Variants in LRP1B observed in about 807,000 individuals in gnomAD.
The protein encoded by LRP1B is low-density lipoprotein receptor-related protein 1B.
In LRP1B, 217 loss-of-function variants were observed where a neutral mutation model predicts 556.6. The ratio of observed to expected loss-of-function variants is 0.39; its 90% confidence interval spans 0.35 to 0.44. The LOEUF is 0.44. Among genes scored for constraint, LRP1B ranks in the 20% least tolerant of loss-of-function variants. The pLI, the probability that LRP1B is intolerant of heterozygous loss-of-function variation, is 1.00. For missense variants in LRP1B, 5,053 were observed against 5,620.8 expected, an observed-to-expected ratio of 0.90 and a Z score of 3.23; for synonymous variants, 2,047 against 1,865.8, an observed-to-expected ratio of 1.10 and a Z score of -2.50.
At chr2:140,375,689 T>C (rs1480479855) in intron 68 of LRP1B, among the ~76,000 whole-genome samples, 1 of 151,902 alleles carries the variant, frequency 6.6e-6, no homozygotes, top group Non-Finnish European at 1.5e-5. Flanking sequence ...GCAGAGCCAA[T>C]ATTATTATTA....
At chr2:141,324,794 C>T (rs150735696) in intron 3 of LRP1B, among the ~76,000 whole-genome samples, 3,205 of 152,090 alleles carry the variant, frequency 0.021, 57 homozygotes, top group Non-Finnish European at 0.034. Flanking sequence ...GTGATGCCAA[C>T]AATCAAGAAC....
chr2:141,457,238 G>A (rs916538155), intron 3 of LRP1B, among the ~76,000 whole-genome samples: 16 of 152,148 alleles, frequency 1.1e-4, no homozygotes, highest in African/African-American at 3.9e-4. Context: ...CAGGAGGCTA[G>A]CCTAGTTTAG....
intron 27 of LRP1B, among the ~76,000 whole-genome samples, chr2:140,858,584 T>G (rs1447501073): frequency 6.6e-6 from 1 of 151,288 alleles, no homozygotes; most frequent in Non-Finnish European, 1.5e-5. Flanking sequence ...ATCTTTCTTT[T>G]TCTTTTTAAG....
intron 57 of LRP1B, among the ~76,000 whole-genome samples, chr2:140,491,292 ATAACT>A (rs923723743): frequency 6.6e-6 from 1 of 152,144 alleles, no homozygotes; most frequent in African/African-American, 2.4e-5. Flanking sequence ...TTCTAAAGAG[ATAACT>A]TTATTCCTTT....
intron 80 of LRP1B, 73 bp from the exon 81 acceptor site, chr2:140,324,139 G>T: frequency 1.1e-6 from 1 of 902,468 alleles, no homozygotes; most frequent in African/African-American, 1.7e-5. Flanking sequence ...GTTTATCCAA[G>T]ACGATATTGA....
At chr2:140,931,841 C>T (rs983386796) in intron 20 of LRP1B, among the ~76,000 whole-genome samples, 10 of 148,358 alleles carry the variant, frequency 6.7e-5, no homozygotes, top group South Asian at 2.1e-4. Flanking sequence ...TGTATTAATC[C>T]GCTGAATTGG....
intron 3 of LRP1B, among the ~76,000 whole-genome samples, chr2:141,298,546 G>C (rs1237964561): frequency 6.6e-6 from 1 of 152,094 alleles, no homozygotes; most frequent in Non-Finnish European, 1.5e-5. Context: ...ATTGATGCTG[G>C]GAGGCTCAGC....
At chr2:140,740,942 G>A (rs1688116458) in intron 35 of LRP1B, among the ~76,000 whole-genome samples, 1 of 152,070 alleles carries the variant, frequency 6.6e-6, no homozygotes, top group African/African-American at 2.4e-5. Flanking sequence ...GAGGGGCTAG[G>A]GGTTAGAACT....
At chr2:141,416,493 G>A (rs974907470) in intron 3 of LRP1B, among the ~76,000 whole-genome samples, 4 of 121,490 alleles carry the variant, frequency 3.3e-5, no homozygotes, top group East Asian at 4.9e-4. Flanking sequence ...TCACTCTGTC[G>A]CCCAGACTGG....
intron 84 of LRP1B, among the ~76,000 whole-genome samples, chr2:140,290,181 A>T (rs1428112137): frequency 6.6e-6 from 1 of 152,062 alleles, no homozygotes; most frequent in Non-Finnish European, 1.5e-5. Context: ...AAAAATGGCA[A>T]AGAGAAGTGC....
intron 3 of LRP1B, among the ~76,000 whole-genome samples, chr2:141,371,358 C>A (rs1689225980): frequency 6.6e-6 from 1 of 152,030 alleles, no homozygotes; most frequent in Non-Finnish European, 1.5e-5. Context: ...GCTATTTGGG[C>A]TTTTTATTGG....
chr2:140,719,619 C>T (rs1687331550), intron 35 of LRP1B, among the ~76,000 whole-genome samples: 1 of 152,032 alleles, frequency 6.6e-6, no homozygotes, highest in South Asian at 2.1e-4. Context: ...ATAAGGACTG[C>T]ATCTCACCCA....
intron 3 of LRP1B, among the ~76,000 whole-genome samples, chr2:141,292,236 C>A (rs1256232594): frequency 1.3e-5 from 2 of 152,146 alleles, no homozygotes; most frequent in African/African-American, 4.8e-5. Context: ...AACCATCTCC[C>A]CCATCCCGGT....
intron 2 of LRP1B, among the ~76,000 whole-genome samples, chr2:141,516,243 A>G (rs2105162406): frequency 6.6e-6 from 1 of 152,276 alleles, no homozygotes; most frequent in Non-Finnish European, 1.5e-5. Context: ...TCTTTCTATA[A>G]CACTCAGAAG....
intron 1 of LRP1B, among the ~76,000 whole-genome samples, chr2:142,069,368 T>G (rs1251092376): frequency 1.3e-5 from 2 of 151,646 alleles, no homozygotes; most frequent in African/African-American, 4.8e-5. Flanking sequence ...ATAATTAATG[T>G]GATGAAAATC....
intron 41 of LRP1B, among the ~76,000 whole-genome samples, chr2:140,674,026 G>T (rs1685582578): frequency 6.7e-6 from 1 of 148,942 alleles, no homozygotes; most frequent in East Asian, 2.0e-4. Flanking sequence ...CTGGCTCACT[G>T]CAACCTCTGC....
At chr2:141,789,667 G>A (rs1421882983) in intron 2 of LRP1B, among the ~76,000 whole-genome samples, 1 of 151,942 alleles carries the variant, frequency 6.6e-6, no homozygotes, top group Non-Finnish European at 1.5e-5. Context: ...GGCTGCTAGA[G>A]AGCTGTTTAT....
chr2:140,609,959 C>G (rs1683009307), intron 41 of LRP1B, among the ~76,000 whole-genome samples: 1 of 152,082 alleles, frequency 6.6e-6, no homozygotes, highest in Non-Finnish European at 1.5e-5. Context: ...CTTCTTCCAC[C>G]TTATCTCGGG....
At chr2:140,858,501 G>GA (rs1553546810) in intron 27 of LRP1B, among the ~76,000 whole-genome samples, 1 of 139,934 alleles carries the variant, frequency 7.1e-6, no homozygotes, top group Non-Finnish European at 1.5e-5. Context: ...TTATATATAT[G>GA]GAGAGAGAGA....
Sources: allele counts gnomAD v4.1 joint callset (sites outside exome capture counted in the v4.1 genomes callset), GRCh38; gene constraint gnomAD v4.1.1; transcripts MANE v1.5; gene names NCBI Gene and HGNC (gene_info 2026-07-23, HGNC 2026-07-21).